Variants in DSCAM observed in about 807,000 individuals in gnomAD.
The protein encoded by DSCAM is cell adhesion molecule DSCAM.
In DSCAM, 47 loss-of-function variants were observed where a neutral mutation model predicts 217.7. The ratio of observed to expected loss-of-function variants is 0.22; its 90% CI spans 0.17 to 0.28. DSCAM has a LOEUF of 0.28. DSCAM is among the 10% of genes least tolerant of loss of function. The pLI is 1.00. For missense variants in DSCAM, 2,080 were observed against 2,618.3 expected (o/e 0.79, Z 4.49); for synonymous variants, 1,056 against 1,015.3 (o/e 1.04, Z -0.76).
intron 3 of DSCAM, among the ~76,000 whole-genome samples, chr21:40,491,421 G>A (rs987918774): frequency 6.6e-6 from 1 of 151,986 alleles, no homozygotes; most frequent in African/African-American, 2.4e-5. Flanking sequence ...TTCCCTTGCA[G>A]GCCTGCCTCT....
intron 32 of DSCAM, among the ~76,000 whole-genome samples, chr21:40,025,949 T>C (rs1288931502): frequency 6.7e-6 from 1 of 148,852 alleles, no homozygotes; most frequent in Non-Finnish European, 1.5e-5. Flanking sequence ...TTCTAGTTCT[T>C]TTAATTGTGA....
chr21:40,054,859 A>G (rs2088988515), intron 29 of DSCAM, among the ~76,000 whole-genome samples: 2 of 152,208 alleles, frequency 1.3e-5, no homozygotes, highest in South Asian at 4.1e-4. Flanking sequence ...AGACCTCTCT[A>G]CATCTTGGTT....
intron 1 of DSCAM, among the ~76,000 whole-genome samples, chr21:40,809,538 A>G (rs1230292424): frequency 6.6e-6 from 1 of 152,218 alleles, no homozygotes; most frequent in Non-Finnish European, 1.5e-5. Flanking sequence ...TGTTAAACAT[A>G]TAAGAATGCA....
At chr21:40,173,391 CAG>C (rs1320755181) in intron 15 of DSCAM, among the ~76,000 whole-genome samples, 2 of 152,094 alleles carry the variant, frequency 1.3e-5, no homozygotes, top group Non-Finnish European at 2.9e-5. Context: ...GGATAGCAGA[CAG>C]GGGTATACAC....
At chr21:40,727,860 T>G (rs1029291522) in intron 1 of DSCAM, among the ~76,000 whole-genome samples, 4 of 152,140 alleles carry the variant, frequency 2.6e-5, no homozygotes, top group South Asian at 2.1e-4. Flanking sequence ...TGTCATCTCC[T>G]ACCACCCTCC....
At chr21:40,244,033 GACAAC>G (rs931373801) in intron 11 of DSCAM, among the ~76,000 whole-genome samples, 1 of 152,178 alleles carries the variant, frequency 6.6e-6, no homozygotes, top group African/African-American at 2.4e-5. Flanking sequence ...TCCCCATTTA[GACAAC>G]ACAAGGAGGA....
intron 11 of DSCAM, among the ~76,000 whole-genome samples, chr21:40,259,399 A>G (rs2073417707): frequency 6.6e-6 from 1 of 152,004 alleles, no homozygotes; most frequent in African/African-American, 2.4e-5. Context: ...CTTCTCATTA[A>G]GAATAAAGAC....
chr21:40,062,241 C>T (rs943094716), intron 28 of DSCAM, among the ~76,000 whole-genome samples: 6 of 152,226 alleles, frequency 3.9e-5, no homozygotes, highest in Non-Finnish European at 5.9e-5. Flanking sequence ...GCATTTCTGT[C>T]TTCCACAGTT....
chr21:40,708,906 A>C, intron 1 of DSCAM, 135 bp from the exon 2 acceptor site: 1 of 593,928 alleles, frequency 1.7e-6, no homozygotes, highest in Non-Finnish European at 2.6e-6. Context: ...AAATAATTCA[A>C]ATTTTCTGAA....
chr21:40,142,524 A>C, intron 18 of DSCAM, 34 bp downstream of exon 18: 1 of 1,610,538 alleles, frequency 6.2e-7, no homozygotes, highest in South Asian at 1.1e-5. Context: ...CATTCTCTGG[A>C]GGCAAACCCA....
chr21:40,300,050 T>A (rs2837563), intron 9 of DSCAM, among the ~76,000 whole-genome samples: 25,736 of 151,568 alleles, frequency 0.17, 3,898 homozygotes, highest in African/African-American at 0.4. Flanking sequence ...GCTTGCTTAT[T>A]AAAGAGAGGA....
chr21:40,597,651 TGCCCACCACCAC>T (rs1186929163), intron 3 of DSCAM, among the ~76,000 whole-genome samples: 1 of 151,704 alleles, frequency 6.6e-6, no homozygotes, highest in Non-Finnish European at 1.5e-5. Flanking sequence ...GGACTACAGG[TGCCCACCACCAC>T]GCCCAGCTAA....
At chr21:40,160,414 T>C (rs2090527597) in intron 16 of DSCAM, among the ~76,000 whole-genome samples, 1 of 152,250 alleles carries the variant, frequency 6.6e-6, no homozygotes, top group Non-Finnish European at 1.5e-5. Context: ...TGTGATGAAA[T>C]AGTGTCAACT....
At chr21:40,464,732 C>T (rs1488530274) in intron 3 of DSCAM, among the ~76,000 whole-genome samples, 2 of 151,550 alleles carry the variant, frequency 1.3e-5, no homozygotes, top group Non-Finnish European at 2.9e-5. Flanking sequence ...ATTCATTCTC[C>T]CCAGAACCAT....
At chr21:40,101,580 A>G (rs1205238277) in intron 20 of DSCAM, among the ~76,000 whole-genome samples, 2 of 152,106 alleles carry the variant, frequency 1.3e-5, no homozygotes, top group African/African-American at 2.4e-5. Flanking sequence ...GGTCCCTAGT[A>G]TTAGTCCGTA....
chr21:40,305,623 G>T (rs2074065187), intron 9 of DSCAM, among the ~76,000 whole-genome samples: 1 of 152,102 alleles, frequency 6.6e-6, no homozygotes, highest in African/African-American at 2.4e-5. Flanking sequence ...TTTGTATAAG[G>T]TGTAAGGAAG....
intron 16 of DSCAM, among the ~76,000 whole-genome samples, chr21:40,162,144 C>A (rs941364752): frequency 1.3e-5 from 2 of 152,188 alleles, no homozygotes; most frequent in African/African-American, 4.8e-5. Flanking sequence ...TGCTCAGAAA[C>A]CCAGGAGGCA....
chr21:40,161,563 A>T (rs2090542108), intron 16 of DSCAM, among the ~76,000 whole-genome samples: 1 of 152,210 alleles, frequency 6.6e-6, no homozygotes, highest in Non-Finnish European at 1.5e-5. Flanking sequence ...ACCCTCACGG[A>T]ACCTAGAGTC....
chr21:40,375,948 T>C (rs2074945850), intron 3 of DSCAM, among the ~76,000 whole-genome samples: 1 of 152,246 alleles, frequency 6.6e-6, no homozygotes, highest in Non-Finnish European at 1.5e-5. Flanking sequence ...AAGATTGTGA[T>C]GAATTATTCT....
Sources: allele counts gnomAD v4.1 joint callset (sites outside exome capture counted in the v4.1 genomes callset), GRCh38; gene constraint gnomAD v4.1.1; transcripts MANE v1.5; gene names NCBI Gene and HGNC (gene_info 2026-07-23, HGNC 2026-07-21).